The following CREB1 variants were observed in gnomAD, a reference collection of about 807,000 sequenced individuals.
The protein encoded by CREB1 is cyclic AMP-responsive element-binding protein 1.
A neutral mutation model predicts 42.0 loss-of-function variants in CREB1; 2 were observed. The observed-to-expected ratio is 0.05, with a 90% confidence interval of 0.02 to 0.15. The LOEUF is 0.15. Among genes scored for constraint, CREB1 ranks in the 10% least tolerant of loss-of-function variants. The pLI is 1.00. For missense variants in CREB1, 199 were observed against 388.9 expected, an observed-to-expected ratio of 0.51 and a Z score of 4.11; for synonymous variants, 123 against 139.9, an observed-to-expected ratio of 0.88 and a Z score of 0.85.
rs1281752337 is a variant in CREB1 at position 207,602,756 on chromosome 2, TAA to T, written c.*5701_*5702del. ...GTGTATGTAATAAAATTATTTATAT[TAA>T]AAGTGGGAAATAATTGTCAACATTT... is the stretch of plus-strand genomic sequence containing the variant. On this transcript the variant is annotated 3_prime_UTR_variant, in exon 8 of 8. Coordinates refer to ENST00000353267, the MANE Select transcript of CREB1 (RefSeq NM_004379.5). 1.1e-4 allele frequency: 23 copies of T among 213,238 alleles called. No individual in the cohort carries two copies. The highest frequency in any genetic ancestry group is 9.5e-6 in the Non-Finnish European group (1 of 105,362). 13.2% of individuals were successfully genotyped at this position (213,238 alleles called of 1,614,324 possible).
At chr2:207,542,167 T>C (rs545853850) in intron 1 of CREB1, among the ~76,000 whole-genome samples, 4 of 152,312 alleles carry the variant, frequency 2.6e-5, no homozygotes, top group African/African-American at 9.6e-5. Context: ...TCTCTGAGTA[T>C]ATACTCAGGA....
chr2:207,566,441 T>C (rs773808035), intron 3 of CREB1, among the ~76,000 whole-genome samples: 1 of 152,190 alleles, frequency 6.6e-6, no homozygotes, highest in Admixed American at 6.5e-5. Context: ...TTAGAGAAAC[T>C]TGGGCAGTGT....
At chr2:207,577,326 G>A (rs934832844) in intron 6 of CREB1, 179 bp from the exon 7 acceptor site, 7 of 1,025,934 alleles carry the variant, frequency 6.8e-6, no homozygotes, top group Non-Finnish European at 9.5e-6. Context: ...ATTACATTGG[G>A]AATTATTTCT....
intron 6 of CREB1, chr2:207,576,983 G>A (rs1248950078): frequency 1.1e-6 from 1 of 885,956 alleles, no homozygotes; most frequent in Non-Finnish European, 1.4e-6. Context: ...GGCATCAAGT[G>A]ATACACTTTT....
At chr2:207,543,950 C>T (rs1335037823) in intron 1 of CREB1, among the ~76,000 whole-genome samples, 3 of 151,150 alleles carry the variant, frequency 2.0e-5, no homozygotes, top group Admixed American at 1.3e-4. Context: ...GACGAGGTCT[C>T]GCTGTGTTGT....
intron 5 of CREB1, among the ~76,000 whole-genome samples, chr2:207,572,711 G>A (rs1233779689): frequency 6.6e-6 from 1 of 152,024 alleles, no homozygotes. Context: ...AGCTACTCGG[G>A]AGGCTGAGGC....
chr2:207,551,236 G>A (rs894910148), intron 1 of CREB1, among the ~76,000 whole-genome samples: 3 of 152,138 alleles, frequency 2.0e-5, no homozygotes, highest in Admixed American at 2.0e-4. Context: ...ACTTTGCTGA[G>A]ATGTTTACCT....
chr2:207,581,904 T>C, intron 7 of CREB1: 1 of 702,998 alleles, frequency 1.4e-6, no homozygotes, highest in Non-Finnish European at 2.6e-6. Flanking sequence ...AGTGATCTGT[T>C]TTCTTTTAGA....
chr2:207,577,784 G>T lies in CREB1; in HGVS notation c.839+129G>T, dbSNP rs761261725. 5 of 1,096,572 alleles carry T rather than the reference G, an allele frequency of 4.6e-6. No individual in the cohort carries two copies. The South Asian group carries it at 5.4e-5, about 12-fold the overall frequency. The allele number at this position is 1,096,572 out of a possible 1,614,324, so 67.9% of individuals were successfully genotyped here. ...ATTTTTTTTTTCCAGCAGAATTAATGGATCTTGCTAAATTTTCTTTATTTA... is the reference window on the plus strand; with the variant it reads ...ATTTTTTTTTTCCAGCAGAATTAATTGATCTTGCTAAATTTTCTTTATTTA... On this transcript the variant is annotated intron_variant, in intron 7 of 7. Coordinates refer to ENST00000353267, the MANE Select transcript of CREB1 (RefSeq NM_004379.5).
intron 1 of CREB1, 45 bp from the exon 2 acceptor site, chr2:207,555,583 C>A: frequency 7.9e-7 from 1 of 1,264,688 alleles, no homozygotes; most frequent in Non-Finnish European, 1.1e-6. Flanking sequence ...GTCACGAAAG[C>A]ACAAAGCACT....
chr2:207,548,515 C>T (rs192014501), intron 1 of CREB1, among the ~76,000 whole-genome samples: 34 of 152,276 alleles, frequency 2.2e-4, no homozygotes, highest in Admixed American at 3.9e-4. Flanking sequence ...CTTTGGGAGG[C>T]TGATGCGGGT....
At chr2:207,586,881 G>A (rs984790578) in intron 7 of CREB1, among the ~76,000 whole-genome samples, 3 of 152,166 alleles carry the variant, frequency 2.0e-5, no homozygotes, top group Admixed American at 2.0e-4. Flanking sequence ...AAGACAAGAA[G>A]TAACAAACTG....
At chr2:207,537,258 C>G (rs775261599) in intron 1 of CREB1, among the ~76,000 whole-genome samples, 1 of 151,984 alleles carries the variant, frequency 6.6e-6, no homozygotes, top group African/African-American at 2.4e-5. Context: ...AGGATGGTCT[C>G]GATCTCCTTG....
intron 1 of CREB1, among the ~76,000 whole-genome samples, chr2:207,531,334 TA>T (rs1276729616): frequency 6.6e-6 from 1 of 152,224 alleles, no homozygotes; most frequent in African/African-American, 2.4e-5. Flanking sequence ...GATTTAATAC[TA>T]CTACTAAAAA....
In CREB1 at chr2:207,599,224, T is replaced by G. The variant is rs763722232; in HGVS notation, c.*2166T>G. The G allele has an allele frequency of 1.5e-5, 3 of 200,146 alleles. No homozygotes were observed. The highest frequency in any genetic ancestry group is 3.1e-5 in the Non-Finnish European group (3 of 97,178). 12.4% of individuals were successfully genotyped at this position (200,146 alleles called of 1,614,324 possible). On this transcript the variant is annotated 3_prime_UTR_variant, in exon 8 of 8. Transcript: ENST00000353267. ...CCTGCTGAGCTAATGGGGAAAGTTA[T>G]AGCATAAAAATTGTGTAACCGCATA...
chr2:207,582,065 T>C (rs1400292921), intron 7 of CREB1: 2 of 700,482 alleles, frequency 2.9e-6, no homozygotes, highest in African/African-American at 3.5e-5. Context: ...CTTTGATCAC[T>C]TGGTTAAAGT....
intron 7 of CREB1, among the ~76,000 whole-genome samples, chr2:207,591,579 T>C (rs1485328779): frequency 6.6e-6 from 1 of 152,068 alleles, no homozygotes. Context: ...ATTACAGGTG[T>C]GCGCCACCAC....
intron 7 of CREB1, among the ~76,000 whole-genome samples, chr2:207,590,718 C>T (rs954546917): frequency 2.6e-5 from 4 of 152,120 alleles, no homozygotes; most frequent in East Asian, 1.9e-4. Context: ...TCAACTCTGC[C>T]GTTGTAATAC....
At chr2:207,594,083 A>C (rs1255492646) in intron 7 of CREB1, among the ~76,000 whole-genome samples, 1 of 152,204 alleles carries the variant, frequency 6.6e-6, no homozygotes, top group Non-Finnish European at 1.5e-5. Context: ...TCAGGAAATT[A>C]AGGTTAAGTA....
Sources: allele counts gnomAD v4.1 joint callset (sites outside exome capture counted in the v4.1 genomes callset), GRCh38; gene constraint gnomAD v4.1.1; transcripts MANE v1.5; gene names NCBI Gene and HGNC (gene_info 2026-07-23, HGNC 2026-07-21).